The following CCAR1 variants were observed in gnomAD, a reference collection of about 807,000 sequenced individuals.
CCAR1 encodes the protein cell division cycle and apoptosis regulator protein 1.
A neutral mutation model predicts 163.8 loss-of-function variants in CCAR1; 78 were observed. The ratio of observed to expected loss-of-function variants is 0.48; its 90% CI spans 0.40 to 0.57. The LOEUF is 0.57. CCAR1 is among the 20% of genes least tolerant of loss of function. The probability of loss-of-function intolerance (pLI) is 0.00; values close to 1 mark genes in which losing one functional copy is unlikely to be tolerated. For missense variants in CCAR1, 1,019 were observed against 1,365.2 expected, an observed-to-expected ratio of 0.75 and a Z score of 4.00; for synonymous variants, 443 against 460.7, an observed-to-expected ratio of 0.96 and a Z score of 0.49.
intron 2 of CCAR1, among the ~76,000 whole-genome samples, chr10:68,722,953 C>T (rs1352751469): frequency 1.3e-5 from 2 of 151,774 alleles, no homozygotes; most frequent in Non-Finnish European, 2.9e-5. Flanking sequence ...ATGAATTAGG[C>T]TGTTCTGATA....
At chr10:68,762,555 T>A (rs2056486597) in intron 16 of CCAR1, among the ~76,000 whole-genome samples, 1 of 152,180 alleles carries the variant, frequency 6.6e-6, no homozygotes, top group Admixed American at 6.6e-5. Context: ...ACTTGTTTTC[T>A]GAATTTGAAA....
At chr10:68,787,391 G>C (rs2056807251) in intron 21 of CCAR1, among the ~76,000 whole-genome samples, 1 of 151,756 alleles carries the variant, frequency 6.6e-6, no homozygotes, top group South Asian at 2.1e-4. Flanking sequence ...AGTCTCCATT[G>C]CTGGTGGTTT....
At position 68,788,388 on chromosome 10, in the gene CCAR1, TTA is replaced by T. The variant is rs552696418; in HGVS notation, c.3187+62_3187+63del. The T allele has an allele frequency of 4.1e-6, 5 of 1,213,798 alleles. No homozygotes were observed. In the South Asian group the frequency reaches 5.4e-5, roughly 13 times the overall value. 75.2% of individuals were successfully genotyped at this position (1,213,798 alleles called of 1,614,324 possible). On this transcript the variant is annotated intron_variant, in intron 23 of 24. Transcript: ENST00000265872. ...GCACCCTGCTGGGACACGTATATGT[TTA>T]TGTGTGTACATACATATATACGTAC... is the stretch of plus-strand genomic sequence containing the variant.
Position 68,754,031 on chromosome 10 carries a change from T to C in CCAR1, c.1298T>C (p.Met433Thr), listed in dbSNP as rs2133361736. Reference protein sequence around the residue: ...HREVESLEKNMAILDPPDADH... With the variant: ...HREVESLEKNTAILDPPDADH... The stretch of plus-strand genomic sequence containing the variant: ...GAAGTAGAGTCCTTAGAAAAAAATA[T>C]GGCCATTCTTGATCCACCAGATGCT... Residue 433 changes from methionine (M) to threonine (T), a missense_variant, in exon 11 of 25, where the codon ATG becomes ACG. This residue lies in a region of CCAR1 where 644 missense variants were observed against 904.4 expected (regional missense o/e 0.71). Coordinates refer to ENST00000265872, the MANE Select transcript of CCAR1 (RefSeq NM_018237.4). 6.2e-7 allele frequency: 1 copy of C among 1,614,004 alleles called. No homozygotes were observed.
chr10:68,760,969 C>CTT (rs78712089), intron 15 of CCAR1, 38 bp from the exon 16 acceptor site: 18 of 1,069,442 alleles, frequency 1.7e-5, no homozygotes, highest in South Asian at 2.2e-5. Context: ...CCCCCGCCAC[C>CTT]TTTTTTTTTT....
At chr10:68,734,736 T>G (rs538696569) in intron 2 of CCAR1, among the ~76,000 whole-genome samples, 1 of 151,950 alleles carries the variant, frequency 6.6e-6, no homozygotes, top group East Asian at 1.9e-4. Context: ...TTAGATCCCA[T>G]TTTTTTCAAA....
At chr10:68,755,641 C>T in intron 13 of CCAR1, 105 bp downstream of exon 13, 1 of 873,444 alleles carries the variant, frequency 1.1e-6, no homozygotes, top group Non-Finnish European at 1.7e-6. Context: ...CAACCCTGGT[C>T]AATGCAGGTA....
chr10:68,771,957 CCCT>C (rs1323631446), intron 18 of CCAR1, among the ~76,000 whole-genome samples: 2 of 151,732 alleles, frequency 1.3e-5, no homozygotes, highest in East Asian at 3.9e-4. Context: ...TGCAACCTCT[CCCT>C]CCCAGGTTCA....
intron 2 of CCAR1, among the ~76,000 whole-genome samples, chr10:68,729,746 A>T (rs2056007703): frequency 6.6e-6 from 1 of 151,252 alleles, no homozygotes; most frequent in African/African-American, 2.4e-5. Flanking sequence ...GGTCAGTTTG[A>T]AATTTTGAAT....
At chr10:68,786,056 A>AT in intron 19 of CCAR1, 80 bp from the exon 20 acceptor site, 1 of 905,244 alleles carries the variant, frequency 1.1e-6, no homozygotes, top group Non-Finnish European at 1.8e-6. Context: ...AGTAGCTGGG[A>AT]TAACAGTCAT....
intron 15 of CCAR1, among the ~76,000 whole-genome samples, chr10:68,758,797 C>T (rs1019872817): frequency 1.3e-5 from 2 of 151,486 alleles, no homozygotes; most frequent in Non-Finnish European, 2.9e-5. Flanking sequence ...CTCAGCCTCC[C>T]GAGTAGCTGG....
chr10:68,737,023 C>T lies in CCAR1; in HGVS notation c.221C>T (p.Ala74Val). ...TQTAALQQQAAAAAAALQQQY... is the reference protein window; with the variant it reads ...TQTAALQQQAVAAAAALQQQY... The stretch of plus-strand genomic sequence containing the variant: ...ACTGCTGCATTGCAGCAACAAGCCG[C>T]AGCTGCAGCAGCTGCATTACAACAG... The change falls in exon 3 of 25, where the codon GCA becomes GTA. Residue 74 changes from alanine (A) to valine (V), a missense_variant. By Grantham distance (64) the Ala-to-Val change is moderately conservative. Around this residue, in one of 4 missense-constraint regions of CCAR1, gnomAD observed 644 missense variants for 904.4 expected, o/e 0.71. Transcript: ENST00000265872. 2.5e-6 allele frequency: 4 copies of T among 1,613,230 alleles called. No individual in the cohort carries two copies. The highest frequency in any genetic ancestry group is 3.4e-6 in the Non-Finnish European group (4 of 1,179,376).
At chr10:68,737,089 T>G in intron 3 of CCAR1, 41 bp downstream of exon 3, 1 of 1,445,338 alleles carries the variant, frequency 6.9e-7, no homozygotes, top group Non-Finnish European at 9.6e-7. Flanking sequence ...GTAGAAAACT[T>G]TATGAAATCT....
At chr10:68,725,225 G>A (rs537954808) in intron 2 of CCAR1, among the ~76,000 whole-genome samples, 1 of 152,166 alleles carries the variant, frequency 6.6e-6, no homozygotes, top group East Asian at 1.9e-4. Context: ...AGCACTTTGG[G>A]AGGCGGAGGT....
intron 2 of CCAR1, among the ~76,000 whole-genome samples, chr10:68,730,342 T>TATATAC: frequency 1.3e-5 from 2 of 150,308 alleles, no homozygotes; most frequent in Middle Eastern, 3.5e-3. Context: ...TATATATATA[T>TATATAC]ATATTTATTT....
intron 7 of CCAR1, 25 bp from the exon 8 acceptor site, chr10:68,747,349 T>A: frequency 6.2e-7 from 1 of 1,603,788 alleles, no homozygotes; most frequent in African/African-American, 1.3e-5. Flanking sequence ...ATTTTTTTTC[T>A]TATTCTTTCA....
chr10:68,726,953 C>T (rs2055956972), intron 2 of CCAR1, among the ~76,000 whole-genome samples: 1 of 148,550 alleles, frequency 6.7e-6, no homozygotes. Context: ...CCAGATCGTG[C>T]CACTGCACTC....
intron 20 of CCAR1, 44 bp from the exon 21 acceptor site, chr10:68,786,502 T>A (rs2056797033): frequency 3.5e-6 from 5 of 1,436,200 alleles, no homozygotes; most frequent in African/African-American, 2.9e-5. Flanking sequence ...GGGTAAAAAA[T>A]TTGAAATTTG....
In CCAR1 at chr10:68,742,459, G is replaced by T; in HGVS notation, c.408G>T (p.Arg136Ser). The T allele has an allele frequency of 6.2e-7, 1 of 1,614,130 alleles. No homozygotes were observed. Among genetic ancestry groups the T allele is most frequent in the South Asian group, 1.1e-5 (1 of 91,076 alleles). The change falls in exon 6 of 25, where the codon AGG becomes AGT. Residue 136 changes from arginine to serine, a missense_variant. Arg to Ser is a moderately radical substitution (Grantham distance 110). This residue lies in a region of CCAR1 where 644 missense variants were observed against 904.4 expected (regional missense o/e 0.71). Coordinates refer to ENST00000265872, the MANE Select transcript of CCAR1 (RefSeq NM_018237.4). ...TAACTGTATCATATCCAACACCAAG[G>T]TCCAGTCAACAGCAAACCCAGCCTC... is the stretch of plus-strand genomic sequence containing the variant. ...AQITVSYPTP[R>S]SSQQQTQPQK...
Sources: gnomAD v4.1 joint callset for allele counts (sites outside exome capture counted in the v4.1 genomes callset) on GRCh38, gnomAD v4.1.1 for gene constraint, gnomAD v4.1.1 regional missense constraint, MANE v1.5 for transcripts, NCBI Gene and HGNC (gene_info 2026-07-23, HGNC 2026-07-21) for gene names.